CDH23: variants seen among roughly 807,000 people sequenced by gnomAD.
CDH23 encodes cadherin related 23, also known as cadherin-23.
CDH23 carries 189 observed loss-of-function variants against 317.1 expected under a neutral mutation model. The observed-to-expected ratio is 0.60, with a 90% CI of 0.53 to 0.67. CDH23 has a LOEUF of 0.67. Ranked by LOEUF, CDH23 falls within the 30% of genes least tolerant of loss-of-function variation. The pLI, the probability that CDH23 is intolerant of heterozygous loss-of-function variation, is 0.00. For missense variants in CDH23, 4,401 were observed against 4,592.4 expected, an observed-to-expected ratio of 0.96 and a Z score of 1.20; for synonymous variants, 1,839 against 1,876.8, an observed-to-expected ratio of 0.98 and a Z score of 0.52.
chr10:71,640,515 C>T (rs941412092), intron 11 of CDH23, among the ~76,000 whole-genome samples: 1 of 152,084 alleles, frequency 6.6e-6, no homozygotes, highest in Non-Finnish European at 1.5e-5. Context: ...TTTGGGAGGC[C>T]GAGGCAGGCG....
At position 71,495,670 on chromosome 10, in the gene CDH23, T is replaced by TA. The variant is rs546623585; in HGVS notation, c.146-14401dup. Among the ~76,000 whole-genome samples the TA allele has an allele frequency of 1.9e-3, 279 of 147,382 alleles. 1 individual carries two copies. Among genetic ancestry groups the TA allele is most frequent in the Admixed American group, 5.7e-3 (84 of 14,794 alleles). On this transcript the variant is annotated intron_variant, in intron 3 of 69. Coordinates refer to ENST00000224721, the MANE Select transcript of CDH23 (RefSeq NM_022124.6). ...CAACACAACAAGACCTCATCTCTATTAAAAAAAAAAATTGTAAAATTAGCC... is the reference window on the plus strand; with the variant it reads ...CAACACAACAAGACCTCATCTCTATTAAAAAAAAAAAATTGTAAAATTAGCC...
intron 6 of CDH23, among the ~76,000 whole-genome samples, chr10:71,542,494 G>A (rs1013895716): frequency 3.3e-5 from 5 of 152,186 alleles, no homozygotes; most frequent in African/African-American, 1.2e-4. Flanking sequence ...TCCGATGGCA[G>A]GACTCAGGGC....
rs138139412 is a variant in CDH23, at chr10:71,573,505, C to T, written c.753+2587C>T. Among the ~76,000 whole-genome samples, 471 of 152,252 alleles carry T rather than the reference C, an allele frequency of 3.1e-3. 1 individual carries two copies. Among genetic ancestry groups the T allele is most frequent in the African/African-American group, 0.01 (428 of 41,542 alleles). On this transcript the variant is annotated intron_variant, in intron 8 of 69. Transcript: ENST00000224721. ...CTGCTCTACAGGTGATCCCACAGGC[C>T]CCTGCTAGGACAACTCCTCAGTCTC...
At chr10:71,591,741 T>G (rs558271409) in intron 9 of CDH23, among the ~76,000 whole-genome samples, 109 of 152,290 alleles carry the variant, frequency 7.2e-4, no homozygotes, top group African/African-American at 2.6e-3. Flanking sequence ...GGCCTTTCCT[T>G]GACTGACTTT....
chr10:71,470,819 C>G (rs765940808), intron 3 of CDH23, among the ~76,000 whole-genome samples: 39 of 152,152 alleles, frequency 2.6e-4, no homozygotes, highest in Non-Finnish European at 4.9e-4. Context: ...CATTCTAATA[C>G]TTATGTGATA....
intron 1 of CDH23, among the ~76,000 whole-genome samples, chr10:71,416,190 A>G (rs1350513003): frequency 6.6e-6 from 1 of 152,040 alleles, no homozygotes; most frequent in Non-Finnish European, 1.5e-5. Context: ...ATGCCCGGCT[A>G]ATTTTTGTAT....
chr10:71,403,390 T>TCTCTTC (rs1847907416), intron 1 of CDH23, among the ~76,000 whole-genome samples: 1 of 120,988 alleles, frequency 8.3e-6, no homozygotes, highest in African/African-American at 3.9e-5. Context: ...TTTCTTTCTT[T>TCTCTTC]CTTTCTTTCT....
Position 71,724,045 on chromosome 10 carries a change from C to A in CDH23, c.3370C>A (p.Leu1124Met), listed in dbSNP as rs865780707. The change falls in exon 29 of 70, where the codon CTG (leucine) becomes ATG (methionine). Residue 1124 changes from leucine to methionine, a missense_variant and splice_region_variant. Transcript: ENST00000224721. ...DIPEGHSILQ[L>M]KATDADEGEF... ...TAACTCGTGTCTCATTCTTCCTCAG[C>A]TGAAAGCCACGGACGCAGATGAGGG... 6.4e-7 allele frequency: 1 copy of A among 1,558,254 alleles called. No homozygotes were observed. Among genetic ancestry groups the A allele is most frequent in the East Asian group, 2.4e-5 (1 of 41,636 alleles).
chr10:71,641,288 T>C (rs943106043), intron 11 of CDH23, among the ~76,000 whole-genome samples: 1 of 152,206 alleles, frequency 6.6e-6, no homozygotes, highest in Admixed American at 6.5e-5. Flanking sequence ...TCTGCATTTC[T>C]TTTTAGAACG....
At chr10:71,797,023 G>A in intron 48 of CDH23, 81 bp from the exon 49 acceptor site, 1 of 829,318 alleles carries the variant, frequency 1.2e-6, no homozygotes. Flanking sequence ...GGATTGGGAG[G>A]GTTTGGCCAG....
intron 67 of CDH23, 24 bp from the exon 68 acceptor site, chr10:71,812,744 C>A (rs1292045366): frequency 1.2e-6 from 2 of 1,612,948 alleles, no homozygotes. Flanking sequence ...TGCCTCTGCT[C>A]CAGCTAACAT....
intron 28 of CDH23, chr10:71,719,774 A>G (rs1226724222): frequency 6.6e-6 from 1 of 152,524 alleles, no homozygotes; most frequent in Non-Finnish European, 1.5e-5. Context: ...CCTGGCCAGC[A>G]GAGTGGCCTC....
At chr10:71,656,054 C>T (rs1863402885) in intron 14 of CDH23, among the ~76,000 whole-genome samples, 1 of 152,144 alleles carries the variant, frequency 6.6e-6, no homozygotes, top group African/African-American at 2.4e-5. Context: ...TAGTTTCCTG[C>T]TCAGTCCAAG....
chr10:71,433,134 T>C (rs1045916095), intron 1 of CDH23, among the ~76,000 whole-genome samples: 1 of 152,156 alleles, frequency 6.6e-6, no homozygotes, highest in Non-Finnish European at 1.5e-5. Flanking sequence ...AAACTTCCCA[T>C]AACCTCACCA....
intron 34 of CDH23, among the ~76,000 whole-genome samples, chr10:71,736,030 C>A (rs916209745): frequency 1.3e-5 from 2 of 152,234 alleles, no homozygotes. Flanking sequence ...GCAGGTGTTG[C>A]GAGAAGGCTG....
chr10:71,734,732 T>A, intron 34 of CDH23, 74 bp downstream of exon 34: 1 of 984,630 alleles, frequency 1.0e-6, no homozygotes, highest in African/African-American at 1.6e-5. Flanking sequence ...TGCCTGGCCC[T>A]GGACCTTCCC....
At chr10:71,611,070 C>A (rs373052276) in intron 9 of CDH23, among the ~76,000 whole-genome samples, 1 of 152,100 alleles carries the variant, frequency 6.6e-6, no homozygotes, top group Non-Finnish European at 1.5e-5. Context: ...GCCCCCAGCC[C>A]CCCAGCCCCC....
intron 38 of CDH23, among the ~76,000 whole-genome samples, chr10:71,773,706 T>G (rs1840746873): frequency 6.6e-6 from 1 of 152,206 alleles, no homozygotes; most frequent in African/African-American, 2.4e-5. Context: ...TCAGCTCCAC[T>G]TGATCGGCAG....
intron 6 of CDH23, among the ~76,000 whole-genome samples, chr10:71,531,194 A>C (rs1855356624): frequency 6.6e-6 from 1 of 152,022 alleles, no homozygotes; most frequent in African/African-American, 2.4e-5. Flanking sequence ...CAGCGTGTGA[A>C]CCTCTGACTA....
Sources: gnomAD v4.1 joint callset for allele counts (sites outside exome capture counted in the v4.1 genomes callset) on GRCh38, gnomAD v4.1.1 for gene constraint, MANE v1.5 for transcripts, NCBI Gene and HGNC (gene_info 2026-07-23, HGNC 2026-07-21) for gene names.